Variants in ASXL2 observed in about 807,000 individuals in gnomAD.
The protein encoded by ASXL2 is putative Polycomb group protein ASXL2.
Under a neutral mutation model 122.0 loss-of-function variants are expected in ASXL2, and 23 were observed. The observed-to-expected ratio is 0.19, with a 90% CI of 0.14 to 0.27. ASXL2 has a LOEUF of 0.27. ASXL2 is among the 10% of genes least tolerant of loss of function. ASXL2 has a pLI of 1.00. For synonymous variants in ASXL2, 650 were observed against 637.0 expected (o/e 1.02, Z -0.31); for missense variants, 1,518 against 1,713.8 (o/e 0.89, Z 2.02).
At chr2:25,746,289 G>A (rs1032219087) in intron 12 of ASXL2, among the ~76,000 whole-genome samples, 1 of 152,088 alleles carries the variant, frequency 6.6e-6, no homozygotes, top group African/African-American at 2.4e-5. Flanking sequence ...CGAAGTTAGA[G>A]CCATGGGACT....
At chr2:25,865,612 A>AG (rs1167805692) in intron 1 of ASXL2, among the ~76,000 whole-genome samples, 1 of 50,270 alleles carries the variant, frequency 2.0e-5, no homozygotes, top group Non-Finnish European at 7.9e-5. Context: ...CTAAAAATAC[A>AG]AAAAAAAAAA....
intron 5 of ASXL2, among the ~76,000 whole-genome samples, chr2:25,788,616 CTT>C (rs1384815149): frequency 1.3e-5 from 2 of 152,116 alleles, no homozygotes; most frequent in Non-Finnish European, 2.9e-5. Context: ...TACCATCAGT[CTT>C]TTTAATTTTG....
intron 11 of ASXL2, among the ~76,000 whole-genome samples, chr2:25,751,225 T>C (rs552687100): frequency 2.6e-5 from 4 of 152,282 alleles, no homozygotes; most frequent in East Asian, 1.9e-4. Context: ...GCTTCTGAGA[T>C]GGAATGGTTA....
At chr2:25,870,807 G>A (rs919751054) in intron 1 of ASXL2, among the ~76,000 whole-genome samples, 7 of 151,948 alleles carry the variant, frequency 4.6e-5, no homozygotes, top group Non-Finnish European at 8.8e-5. Context: ...TTGTATATAC[G>A]AGGTAAAAAA....
At chr2:25,775,625 T>C (rs745799203) in intron 5 of ASXL2, among the ~76,000 whole-genome samples, 3 of 152,174 alleles carry the variant, frequency 2.0e-5, no homozygotes, top group Non-Finnish European at 2.9e-5. Context: ...CCTGCCACCA[T>C]GTGAAGTTGG....
rs1303088216 is a variant in ASXL2 at position 25,736,357 on chromosome 2, G to A, written c.*5672C>T. On this transcript the variant is annotated 3_prime_UTR_variant, in exon 13 of 13. Transcript: ENST00000435504. ...AAGATAGGAGACCCATCTAAATAAT[G>A]ATAAATATGTACCAGAAATGGGGAG... 1 of 152,166 alleles carries A rather than the reference G, an allele frequency of 6.6e-6. No individual in the cohort carries two copies. 9.4% of individuals were successfully genotyped at this position (152,166 alleles called of 1,614,324 possible).
intron 3 of ASXL2, among the ~76,000 whole-genome samples, chr2:25,807,193 C>T (rs975710486): frequency 6.6e-6 from 1 of 152,102 alleles, no homozygotes; most frequent in African/African-American, 2.4e-5. Flanking sequence ...GATCACAATA[C>T]CTGAGGTTTA....
At chr2:25,830,189 T>C (rs1398268070) in intron 3 of ASXL2, among the ~76,000 whole-genome samples, 2 of 152,192 alleles carry the variant, frequency 1.3e-5, no homozygotes, top group Non-Finnish European at 2.9e-5. Context: ...TAAACCTAAG[T>C]AAGCACAGTG....
intron 4 of ASXL2, among the ~76,000 whole-genome samples, chr2:25,805,688 T>C (rs2089071162): frequency 6.6e-6 from 1 of 152,140 alleles, no homozygotes; most frequent in African/African-American, 2.4e-5. Flanking sequence ...TTTTATTTTA[T>C]TTTTTGAGAC....
intron 5 of ASXL2, among the ~76,000 whole-genome samples, chr2:25,789,010 T>C (rs1226717975): frequency 6.6e-6 from 1 of 152,206 alleles, no homozygotes; most frequent in African/African-American, 2.4e-5. Flanking sequence ...AATATTTTCT[T>C]GGCTTTTCTG....
chr2:25,867,798 G>C (rs2089922105), intron 1 of ASXL2, among the ~76,000 whole-genome samples: 1 of 152,126 alleles, frequency 6.6e-6, no homozygotes, highest in South Asian at 2.1e-4. Flanking sequence ...GCATTTTTCA[G>C]TCTTTCCTCT....
At position 25,878,363 on chromosome 2, in the gene ASXL2, G is replaced by A; in HGVS notation, c.-141C>T. 1.3e-6 allele frequency: 1 copy of A among 753,732 alleles called. No homozygotes were observed. Among genetic ancestry groups the A allele is most frequent in the South Asian group, 1.7e-5 (1 of 58,648 alleles). 46.7% of individuals were successfully genotyped at this position (753,732 alleles called of 1,614,324 possible). ...GTCAGACCGGGGGGGCACCCAAGCAGAGGAAGCGGCGGGGGTGGTGCGCGG... is the reference window on the plus strand; with the variant it reads ...GTCAGACCGGGGGGGCACCCAAGCAAAGGAAGCGGCGGGGGTGGTGCGCGG... On this transcript the variant is annotated 5_prime_UTR_variant, in exon 1 of 13. Coordinates refer to ENST00000435504, the MANE Select transcript of ASXL2 (RefSeq NM_018263.6).
rs559700760 is a variant in ASXL2, at chr2:25,740,803, A to G, written c.*1226T>C. 6 of 197,882 alleles carry G rather than the reference A, an allele frequency of 3.0e-5. No individual in the cohort carries two copies. The highest frequency in any genetic ancestry group is 4.6e-5 in the African/African-American group (2 of 43,404). 12.3% of individuals were successfully genotyped at this position (197,882 alleles called of 1,614,324 possible). A position where few individuals can be genotyped will look rare whatever the true frequency, so the allele number is the denominator to read the frequency against. ...CAAGGGCTATATTTTCTAAAACAGG[A>G]AAAATGTCTTGTATTGTGTGTGTGT... On this transcript the variant is annotated 3_prime_UTR_variant, in exon 13 of 13. Transcript: ENST00000435504.
intron 5 of ASXL2, among the ~76,000 whole-genome samples, chr2:25,786,655 A>G (rs1574416279): frequency 6.6e-6 from 1 of 152,108 alleles, no homozygotes; most frequent in Admixed American, 6.5e-5. Context: ...GGAGTTTGAG[A>G]CCAGCCTGAC....
rs1198617823 is a variant in ASXL2, at chr2:25,740,579, A to C, written c.*1450T>G. On this transcript the variant is annotated 3_prime_UTR_variant, in exon 13 of 13. Coordinates refer to ENST00000435504, the MANE Select transcript of ASXL2 (RefSeq NM_018263.6). ...TTTAATGTTCCTTAACCATGACCTA[A>C]ATATTATGTACTCACAATTTCTTCA... The C allele has an allele frequency of 4.3e-6, 1 of 229,970 alleles. No homozygotes were observed. Among genetic ancestry groups the C allele is most frequent in the African/African-American group, 2.2e-5 (1 of 45,160 alleles). The allele number at this position is 229,970 out of a possible 1,614,324, so 14.2% of individuals were successfully genotyped here.
At position 25,738,478 on chromosome 2, in the gene ASXL2, G is replaced by A. The variant is rs1013588772; in HGVS notation, c.*3551C>T. On this transcript the variant is annotated 3_prime_UTR_variant, in exon 13 of 13. Transcript: ENST00000435504. Reference sequence around the variant, plus strand: ...CTTACTTAGCACACAGTTGTAAGGAGATGGGGAGACTTTTCCCTCCTTGCT... The same window carrying A: ...CTTACTTAGCACACAGTTGTAAGGAAATGGGGAGACTTTTCCCTCCTTGCT... 2 of 152,176 alleles carry A rather than the reference G, an allele frequency of 1.3e-5. No individual in the cohort carries two copies. The highest frequency in any genetic ancestry group is 1.3e-4 in the Admixed American group (2 of 15,278). The allele number at this position is 152,176 out of a possible 1,614,324, so 9.4% of individuals were successfully genotyped here.
At chr2:25,830,952 A>G (rs1018146293) in intron 3 of ASXL2, 6 of 152,340 alleles carry the variant, frequency 3.9e-5, no homozygotes, top group Admixed American at 1.3e-4. Context: ...ATTGTGAGAT[A>G]ACAACAGAAG....
Position 25,828,524 on chromosome 2 carries a change from A to AG in ASXL2, c.143+7013_143+7014insC, listed in dbSNP as rs1193627498. Among the ~76,000 whole-genome samples, 6 of 147,702 alleles carry AG rather than the reference A, an allele frequency of 4.1e-5. 1 individual carries two copies. Among genetic ancestry groups the AG allele is most frequent in the Non-Finnish European group, 7.5e-5 (5 of 66,766 alleles). ...ACTCCATTTCAAAAAAAAAAAATAA[A>AG]AAGAAAAGATCCTTGTCCAGGCCGG... On this transcript the variant is annotated intron_variant, in intron 3 of 12. Coordinates refer to ENST00000435504, the MANE Select transcript of ASXL2 (RefSeq NM_018263.6).
intron 1 of ASXL2, among the ~76,000 whole-genome samples, chr2:25,864,902 G>C (rs2089883669): frequency 6.6e-6 from 1 of 151,284 alleles, no homozygotes; most frequent in African/African-American, 2.4e-5. Context: ...CGCGATCTCA[G>C]CTCACTGCAA....
Sources: gnomAD v4.1 joint callset for allele counts (sites outside exome capture counted in the v4.1 genomes callset) on GRCh38, gnomAD v4.1.1 for gene constraint, MANE v1.5 for transcripts, NCBI Gene and HGNC (gene_info 2026-07-23, HGNC 2026-07-21) for gene names.